The following CDYL variants were observed in gnomAD, a reference collection of about 807,000 sequenced individuals.
The protein encoded by CDYL is chromodomain Y-like protein.
In CDYL, 8 loss-of-function variants were observed where a neutral mutation model predicts 47.3. The observed-to-expected ratio is 0.17, with a 90% confidence interval of 0.10 to 0.31. The LOEUF (loss-of-function observed/expected upper bound fraction) is 0.31. CDYL is among the 10% of genes least tolerant of loss of function. CDYL has a pLI of 1.00. For missense variants in CDYL, 471 were observed against 701.4 expected (o/e 0.67, Z 3.71); for synonymous variants, 266 against 265.0 (o/e 1.00, Z -0.04).
chr6:4,952,469 A>C (rs1211713139), intron 6 of CDYL, 60 bp downstream of exon 6: 4 of 1,548,876 alleles, frequency 2.6e-6, no homozygotes, highest in Non-Finnish European at 3.5e-6. Flanking sequence ...TTTCCCTCAG[A>C]GAGCTCACAA....
intron 1 of CDYL, among the ~76,000 whole-genome samples, chr6:4,841,480 T>G (rs568008872): frequency 6.6e-6 from 1 of 152,268 alleles, no homozygotes; most frequent in Admixed American, 6.5e-5. Flanking sequence ...AGATGTGACC[T>G]TAGATTGTCT....
chr6:4,907,209 G>A (rs1325267960), intron 2 of CDYL, among the ~76,000 whole-genome samples: 2 of 152,292 alleles, frequency 1.3e-5, no homozygotes, highest in East Asian at 3.9e-4. Context: ...GGGTTACCAG[G>A]TTGTCCTCCT....
chr6:4,737,340 T>C (rs1757720612), intron 3 of CDYL, among the ~76,000 whole-genome samples: 1 of 109,368 alleles, frequency 9.1e-6, no homozygotes, highest in South Asian at 3.7e-4. Context: ...AATAACAAAC[T>C]TAAGAAATAT....
intron 1 of CDYL, among the ~76,000 whole-genome samples, chr6:4,792,471 G>T (rs1265533863): frequency 9.2e-5 from 13 of 140,868 alleles, no homozygotes; most frequent in Admixed American, 6.5e-4. Flanking sequence ...TCACTCTGTT[G>T]CCCAGGCTGG....
intron 1 of CDYL, among the ~76,000 whole-genome samples, chr6:4,708,949 G>A (rs540935338): frequency 6.6e-6 from 1 of 152,264 alleles, no homozygotes; most frequent in South Asian, 2.1e-4. Context: ...AGAGGTTGCA[G>A]TGAGCCAAGA....
At chr6:4,709,370 G>T (rs1757107732) in intron 1 of CDYL, among the ~76,000 whole-genome samples, 1 of 152,162 alleles carries the variant, frequency 6.6e-6, no homozygotes, top group Non-Finnish European at 1.5e-5. Context: ...GCTAATTTTT[G>T]TATTTTTAGT....
chr6:4,708,583 T>C (rs919118195), intron 1 of CDYL, among the ~76,000 whole-genome samples: 1 of 152,264 alleles, frequency 6.6e-6, no homozygotes, highest in Non-Finnish European at 1.5e-5. Context: ...GTAGGTGTTA[T>C]ATGTTTATGA....
At chr6:4,751,259 T>A (rs1282031810) in intron 3 of CDYL, among the ~76,000 whole-genome samples, 2 of 152,174 alleles carry the variant, frequency 1.3e-5, no homozygotes, top group Non-Finnish European at 1.5e-5. Flanking sequence ...CTATACAAAC[T>A]GTGGTCCCTG....
At chr6:4,922,225 A>C (rs1757737368) in intron 2 of CDYL, among the ~76,000 whole-genome samples, 4 of 152,164 alleles carry the variant, frequency 2.6e-5, no homozygotes, top group Admixed American at 2.6e-4. Flanking sequence ...TGATGGGTCC[A>C]CAGATGCTGG....
chr6:4,904,007 G>A (rs1202518294), intron 2 of CDYL, among the ~76,000 whole-genome samples: 1 of 152,158 alleles, frequency 6.6e-6, no homozygotes, highest in Non-Finnish European at 1.5e-5. Context: ...TCAGAGCCTG[G>A]CAGAATGGAT....
chr6:4,922,933 CT>C lies in CDYL; in HGVS notation c.692-12576del, dbSNP rs543199320. On this transcript the variant is annotated intron_variant, in intron 2 of 6. Transcript: ENST00000397588. The stretch of plus-strand genomic sequence containing the variant: ...GTGCCTGCAAGTGTGGCCCAGGGAG[CT>C]TTTTTCCCCCCTTTTATTTTTTACT... Among the ~76,000 whole-genome samples, 349 of 152,206 alleles carry C rather than the reference CT, an allele frequency of 2.3e-3. 1 individual carries two copies. Among genetic ancestry groups the C allele is most frequent in the African/African-American group, 8.0e-3 (332 of 41,518 alleles).
At chr6:4,875,672 GTATT>G (rs1191701675) in intron 1 of CDYL, among the ~76,000 whole-genome samples, 4 of 152,174 alleles carry the variant, frequency 2.6e-5, no homozygotes, top group Admixed American at 1.3e-4. Context: ...GGTTGGTTGT[GTATT>G]TATTTTCTGA....
chr6:4,831,703 A>G lies in CDYL; in HGVS notation c.24+54896A>G, dbSNP rs577942105. Reference sequence around the variant, plus strand: ...CATTTTCACGATATTGATTCTTCCTACCCATGAGCATGGAATGTTCTTCCA... The same window carrying G: ...CATTTTCACGATATTGATTCTTCCTGCCCATGAGCATGGAATGTTCTTCCA... On this transcript the variant is annotated intron_variant, in intron 1 of 6. Coordinates refer to ENST00000397588, the MANE Select transcript of CDYL (RefSeq NM_004824.4). Among the ~76,000 whole-genome samples the G allele has an allele frequency of 2.6e-5, 4 of 152,068 alleles. No homozygotes were observed. In the South Asian group the frequency reaches 8.3e-4, roughly 32 times the overall value.
intron 1 of CDYL, among the ~76,000 whole-genome samples, chr6:4,874,334 T>C (rs1761560512): frequency 6.6e-6 from 1 of 152,214 alleles, no homozygotes; most frequent in Non-Finnish European, 1.5e-5. Context: ...CTTTTTTATA[T>C]GTACATGTGC....
intron 1 of CDYL, among the ~76,000 whole-genome samples, chr6:4,828,200 C>T (rs1021880997): frequency 4.8e-5 from 7 of 146,704 alleles, no homozygotes; most frequent in African/African-American, 1.2e-4. Flanking sequence ...TCAGTTTCAA[C>T]GTTAGTTTGC....
chr6:4,840,900 GT>G (rs1760470138), intron 1 of CDYL, among the ~76,000 whole-genome samples: 1 of 151,932 alleles, frequency 6.6e-6, no homozygotes, highest in African/African-American at 2.4e-5. Context: ...TCCTTTCCTG[GT>G]TTTGGTATTA....
intron 1 of CDYL, among the ~76,000 whole-genome samples, chr6:4,850,254 T>C (rs913462660): frequency 1.3e-5 from 2 of 152,196 alleles, no homozygotes; most frequent in Non-Finnish European, 2.9e-5. Flanking sequence ...ACGAGGGATA[T>C]AGCTAGATTT....
chr6:4,792,142 T>G (rs1209754044), intron 1 of CDYL, among the ~76,000 whole-genome samples: 1 of 151,388 alleles, frequency 6.6e-6, no homozygotes, highest in African/African-American at 2.4e-5. Context: ...TCCACCCGCC[T>G]CGGCCTCCCA....
At position 4,954,160 on chromosome 6, in the gene CDYL, G is replaced by A. The variant is rs888320839; in HGVS notation, c.*104G>A. ...CTCACAGCCTGAAACAAGCTCACCC[G>A]TAGCTTACGCTTGGAAGCAGGACTG... On this transcript the variant is annotated 3_prime_UTR_variant, in exon 7 of 7. Coordinates refer to ENST00000397588, the MANE Select transcript of CDYL (RefSeq NM_004824.4). The A allele has an allele frequency of 4.4e-5, 56 of 1,265,408 alleles. No homozygotes were observed. The highest frequency in any genetic ancestry group is 1.0e-4 in the South Asian group (6 of 59,138). 78.4% of individuals were successfully genotyped at this position (1,265,408 alleles called of 1,614,324 possible). A position where few individuals can be genotyped will look rare whatever the true frequency, so the allele number is the denominator to read the frequency against.
Sources: gnomAD v4.1 joint callset for allele counts (sites outside exome capture counted in the v4.1 genomes callset) on GRCh38, gnomAD v4.1.1 for gene constraint, MANE v1.5 for transcripts, NCBI Gene and HGNC (gene_info 2026-07-23, HGNC 2026-07-21) for gene names.